THAP9: variants seen among roughly 807,000 people sequenced by gnomAD.
THAP9 encodes THAP domain containing 9.
Under a neutral mutation model 35.7 loss-of-function variants are expected in THAP9, and 20 were observed. The observed-to-expected ratio is 0.56, with a 90% confidence interval of 0.39 to 0.81. The LOEUF is 0.81. THAP9 is among the 40% of genes least tolerant of loss of function. THAP9 has a pLI of 0.00. For synonymous variants in THAP9, 335 were observed against 373.7 expected, an observed-to-expected ratio of 0.90 and a Z score of 1.19; for missense variants, 870 against 1,047.4, an observed-to-expected ratio of 0.83 and a Z score of 2.34.
rs766777432 is a variant in THAP9 at position 82,918,081 on chromosome 4, A to T, written c.1869A>T (p.Leu623Phe). The T allele has an allele frequency of 6.8e-6, 11 of 1,614,006 alleles. 1 individual carries two copies. In the Admixed American group the frequency reaches 8.3e-5, roughly 12 times the overall value. ...ELFLKMLRQV[L>F]VTSSSPTCMA... ...TTCTAAAGATGCTTAGGCAGGTATTAGTAACAAGTTCTAGCCCTACCTGCA... is the reference window on the plus strand; with the variant it reads ...TTCTAAAGATGCTTAGGCAGGTATTTGTAACAAGTTCTAGCCCTACCTGCA... Residue 623 changes from leucine to phenylalanine, a missense_variant, in exon 5 of 5, where the codon TTA becomes TTT. This residue lies in a region of THAP9 where 414 missense variants were observed against 500.8 expected (regional missense o/e 0.83). Transcript: ENST00000302236.
chr4:82,906,001 C>G, intron 2 of THAP9: 1 of 460,804 alleles, frequency 2.2e-6, no homozygotes, highest in Non-Finnish European at 4.3e-6. Flanking sequence ...CTGTCACCTT[C>G]ATTAACCATG....
intron 4 of THAP9, among the ~76,000 whole-genome samples, chr4:82,914,421 A>T (rs1720973375): frequency 6.6e-6 from 1 of 152,190 alleles, no homozygotes; most frequent in African/African-American, 2.4e-5. Flanking sequence ...AATTGAATTA[A>T]TTTACACTCC....
intron 4 of THAP9, among the ~76,000 whole-genome samples, chr4:82,908,650 C>T (rs6822414): frequency 0.54 from 82,478 of 152,152 alleles, 24,209 homozygotes; most frequent in East Asian, 0.78. Flanking sequence ...TGCAGCACAG[C>T]GGCACAATCT....
In THAP9 at chr4:82,916,931, T is replaced by G; in HGVS notation, c.732-13T>G. The G allele has an allele frequency of 6.7e-7, 1 of 1,490,896 alleles. No individual in the cohort carries two copies. Among genetic ancestry groups the G allele is most frequent in the Non-Finnish European group, 8.9e-7 (1 of 1,121,356 alleles). The allele number at this position is 1,490,896 out of a possible 1,614,324, so 92.4% of individuals were successfully genotyped here. Reference sequence around the variant, plus strand: ...TTCTCTTTGAGTGTTCTTTCACTTTTTATGTATTCTAGGTGGTTATCCAAA... The same window carrying G: ...TTCTCTTTGAGTGTTCTTTCACTTTGTATGTATTCTAGGTGGTTATCCAAA... On this transcript the variant is annotated splice_polypyrimidine_tract_variant and intron_variant, in intron 4 of 4. Transcript: ENST00000302236.
Position 82,916,376 on chromosome 4 carries a change from G to C in THAP9, c.732-568G>C, listed in dbSNP as rs548588246. ...CACAGGTAGGTTGTATAGGGGTGCA[G>C]ATGCACACTTGTTATATGCCTTTAA... is the stretch of plus-strand genomic sequence containing the variant. On this transcript the variant is annotated intron_variant, in intron 4 of 4. Transcript: ENST00000302236. Among the ~76,000 whole-genome samples, 14 of 152,210 alleles carry C rather than the reference G, an allele frequency of 9.2e-5. No homozygotes were observed. In the South Asian group the frequency reaches 1.0e-3, roughly 11 times the overall value.
intron 4 of THAP9, chr4:82,909,944 A>G (rs148187872): frequency 3.3e-5 from 5 of 152,256 alleles, no homozygotes; most frequent in African/African-American, 1.2e-4. Context: ...TCATTTATAA[A>G]TCCAAACATT....
chr4:82,903,575 T>C (rs1720516572), intron 1 of THAP9: 1 of 152,440 alleles, frequency 6.6e-6, no homozygotes, highest in African/African-American at 2.4e-5. Flanking sequence ...AAATGCAAGG[T>C]AATTTTTATA....
chr4:82,900,767 G>A lies in THAP9; in HGVS notation c.-36G>A, dbSNP rs1292722143. 13 of 1,610,944 alleles carry A rather than the reference G, an allele frequency of 8.1e-6. No individual in the cohort carries two copies. In the Admixed American group the frequency reaches 2.0e-4, roughly 25 times the overall value. ...AAGTGGTCGTGATTCATGCTGTCGCGGGAACCCCGAAGGTGGGGCCCCACG... is the reference window on the plus strand; with the variant it reads ...AAGTGGTCGTGATTCATGCTGTCGCAGGAACCCCGAAGGTGGGGCCCCACG... On this transcript the variant is annotated 5_prime_UTR_variant, in exon 1 of 5. Transcript: ENST00000302236.
chr4:82,904,631 G>T, intron 1 of THAP9, 105 bp from the exon 2 acceptor site: 1 of 1,002,190 alleles, frequency 1.0e-6, no homozygotes, highest in Non-Finnish European at 1.4e-6. Flanking sequence ...TTGGCTTTAT[G>T]TTTCTATAAA....
In THAP9 at chr4:82,904,756, A is replaced by C. The variant is rs1720573177; in HGVS notation, c.101A>C (p.Gln34Pro). 6.2e-7 allele frequency: 1 copy of C among 1,614,052 alleles called. No homozygotes were observed. Among genetic ancestry groups the C allele is most frequent in the African/African-American group, 1.3e-5 (1 of 74,918 alleles). ...SFHQFPTDTI[Q>P]RSKWIRAVNR... is the part of the protein sequence containing the mutation. ...CATAGATTTCCAACTGATACCATAC[A>C]GCGCTCAAAATGGATCAGGGCTGTT... is the stretch of plus-strand genomic sequence containing the variant. The change falls in exon 2 of 5, where the codon CAG (glutamine) becomes CCG (proline). Residue 34 changes from glutamine to proline, a missense_variant. Gln to Pro is a moderately conservative substitution (Grantham distance 76). Transcript: ENST00000302236.
At chr4:82,906,762 A>G in intron 3 of THAP9, 135 bp downstream of exon 3, 6 of 812,504 alleles carry the variant, frequency 7.4e-6, no homozygotes, top group Non-Finnish European at 1.1e-5. Flanking sequence ...CTTAAGAAGA[A>G]TGAAAATTAA....
In THAP9 at chr4:82,906,630, A is replaced by G. The variant is rs1266718727; in HGVS notation, c.580+3A>G. 2 of 1,583,990 alleles carry G rather than the reference A, an allele frequency of 1.3e-6. No homozygotes were observed. Among genetic ancestry groups the G allele is most frequent in the South Asian group, 1.2e-5 (1 of 86,276 alleles). Reference sequence around the variant, plus strand: ...TCTGCTACGAGCTCAATTTTCAGGTACTTCCCCCTAGTAACCTGTAGTATT... The same window carrying G: ...TCTGCTACGAGCTCAATTTTCAGGTGCTTCCCCCTAGTAACCTGTAGTATT... On this transcript the variant is annotated splice_donor_region_variant and intron_variant, in intron 3 of 4. Coordinates refer to ENST00000302236, the MANE Select transcript of THAP9 (RefSeq NM_024672.6).
At position 82,917,626 on chromosome 4, in the gene THAP9, G is replaced by A. The variant is rs745936006; in HGVS notation, c.1414G>A (p.Val472Ile). The A allele has an allele frequency of 8.7e-6, 14 of 1,614,012 alleles. No individual in the cohort carries two copies. In the East Asian group the frequency reaches 2.7e-4, roughly 31 times the overall value. ...TACACTTGCAAATTTGAAAAATCAT[G>A]TACTGAAAGTGAATAGTGCCACCCA... ...PSTLANLKNH[V>I]LKVNSATQLF... The change falls in exon 5 of 5, where the codon GTA becomes ATA. Residue 472 changes from valine (V) to isoleucine (I), a missense_variant. By Grantham distance (29) the Val-to-Ile change is conservative. This residue lies in a region of THAP9 where 414 missense variants were observed against 500.8 expected (regional missense o/e 0.83). Coordinates refer to ENST00000302236, the MANE Select transcript of THAP9 (RefSeq NM_024672.6).
At chr4:82,911,310 G>A (rs955663783) in intron 4 of THAP9, among the ~76,000 whole-genome samples, 2 of 151,358 alleles carry the variant, frequency 1.3e-5, no homozygotes, top group Non-Finnish European at 2.9e-5. Context: ...ATGGGGTCTC[G>A]GCTGGGCACA....
At chr4:82,915,220 G>A (rs549872703) in intron 4 of THAP9, among the ~76,000 whole-genome samples, 20 of 151,258 alleles carry the variant, frequency 1.3e-4, no homozygotes, top group African/African-American at 4.8e-4. Context: ...TATGTCTTTT[G>A]CCATCCTGTA....
At chr4:82,907,715 C>G in intron 3 of THAP9, 70 bp from the exon 4 acceptor site, 1 of 1,156,116 alleles carries the variant, frequency 8.6e-7, no homozygotes, top group South Asian at 1.7e-5. Context: ...CATTTTATAT[C>G]CAAATGCTAT....
At position 82,918,230 on chromosome 4, in the gene THAP9, C is replaced by G; in HGVS notation, c.2018C>G (p.Thr673Arg). 7 of 1,614,178 alleles carry G rather than the reference C, an allele frequency of 4.3e-6. No homozygotes were observed. The highest frequency in any genetic ancestry group is 5.1e-6 in the Non-Finnish European group (6 of 1,180,020). The part of the protein sequence containing the change: ...IARRKDLALW[T>R]VQRQYGVSVT... ...CGAAGGAAAGACTTGGCGCTTTGGA[C>G]AGTTCAACGTCAGTATGGTGTCAGC... The change falls in exon 5 of 5, where the codon ACA becomes AGA. Residue 673 changes from threonine (T) to arginine (R), a missense_variant. Coordinates refer to ENST00000302236, the MANE Select transcript of THAP9 (RefSeq NM_024672.6).
intron 4 of THAP9, among the ~76,000 whole-genome samples, chr4:82,909,009 C>T (rs1720763287): frequency 6.6e-6 from 1 of 152,000 alleles, no homozygotes. Flanking sequence ...CAGGTTCGAC[C>T]CATTCTCCTG....
In THAP9 at chr4:82,900,744, G is replaced by A; in HGVS notation, c.-59G>A. The A allele has an allele frequency of 6.3e-7, 1 of 1,581,342 alleles. No homozygotes were observed. Among genetic ancestry groups the A allele is most frequent in the Non-Finnish European group, 8.7e-7 (1 of 1,151,232 alleles). ...CGCAGAGTCAACGGGCGGAGCTAAA[G>A]TGGTCGTGATTCATGCTGTCGCGGG... is the stretch of plus-strand genomic sequence containing the variant. On this transcript the variant is annotated 5_prime_UTR_variant, in exon 1 of 5. The change creates a new upstream start codon in the 5' untranslated region. Coordinates refer to ENST00000302236, the MANE Select transcript of THAP9 (RefSeq NM_024672.6).
Sources: allele counts gnomAD v4.1 joint callset (sites outside exome capture counted in the v4.1 genomes callset), GRCh38; gene constraint gnomAD v4.1.1; regional missense constraint gnomAD v4.1.1; transcripts MANE v1.5; gene names NCBI Gene and HGNC (gene_info 2026-07-23, HGNC 2026-07-21).